The following SYNPO2 variants were observed in gnomAD, a reference collection of about 807,000 sequenced individuals.
The protein encoded by SYNPO2 is synaptopodin-2.
A neutral mutation model predicts 85.0 loss-of-function variants in SYNPO2; 56 were observed. The observed-to-expected ratio is 0.66, with a 90% CI of 0.53 to 0.82. The LOEUF is 0.82. Ranked by LOEUF, SYNPO2 falls within the 40% of genes least tolerant of loss-of-function variation. SYNPO2 has a pLI of 0.00. For synonymous variants in SYNPO2, 602 were observed against 591.1 expected (o/e 1.02, Z -0.27); for missense variants, 1,575 against 1,534.2 (o/e 1.03, Z -0.44).
At chr4:118,870,747 G>A (rs1731785534) in intron 1 of SYNPO2, among the ~76,000 whole-genome samples, 1 of 152,160 alleles carries the variant, frequency 6.6e-6, no homozygotes, top group African/African-American at 2.4e-5. Context: ...TAGGGGGTAT[G>A]GGGGAGGGAG....
At chr4:118,934,402 T>C (rs1734031925) in intron 1 of SYNPO2, among the ~76,000 whole-genome samples, 1 of 152,186 alleles carries the variant, frequency 6.6e-6, no homozygotes, top group Non-Finnish European at 1.5e-5. Context: ...GACTACCAGT[T>C]ACTGTAGAGA....
At position 118,889,026 on chromosome 4, in the gene SYNPO2, A is replaced by G. The variant is rs1732277596; in HGVS notation, c.-11A>G. On this transcript the variant is annotated 5_prime_UTR_variant, in exon 1 of 5. The change abolishes the stop of an existing upstream ORF in the 5' untranslated region. Transcript: ENST00000307142. ...GTCAAGCTCTTCATGCTGCCCAACTAAAAGGAAAACATGGGCACAGGGGAT... is the reference window on the plus strand; with the variant it reads ...GTCAAGCTCTTCATGCTGCCCAACTGAAAGGAAAACATGGGCACAGGGGAT... 6.2e-7 allele frequency: 1 copy of G among 1,613,702 alleles called. No homozygotes were observed. Among genetic ancestry groups the G allele is most frequent in the Non-Finnish European group, 8.5e-7 (1 of 1,179,722 alleles).
At chr4:118,960,767 A>C (rs1042720185) in intron 1 of SYNPO2, among the ~76,000 whole-genome samples, 1 of 152,006 alleles carries the variant, frequency 6.6e-6, no homozygotes, top group Non-Finnish European at 1.5e-5. Context: ...AGGCTTGGGG[A>C]TTAGACCCAA....
intron 1 of SYNPO2, among the ~76,000 whole-genome samples, chr4:118,958,852 C>T (rs1165202239): frequency 6.6e-6 from 1 of 152,126 alleles, no homozygotes; most frequent in Non-Finnish European, 1.5e-5. Flanking sequence ...GCCCTTCTAG[C>T]CTCTAAGGAA....
chr4:118,914,452 T>A (rs2149125472), intron 1 of SYNPO2, among the ~76,000 whole-genome samples: 1 of 152,104 alleles, frequency 6.6e-6, no homozygotes, highest in East Asian at 1.9e-4. Context: ...TTAAAATAAG[T>A]CATTAGAAAG....
At chr4:119,001,471 T>C (rs576156106) in intron 1 of SYNPO2, among the ~76,000 whole-genome samples, 157 of 152,316 alleles carry the variant, frequency 1.0e-3, no homozygotes, top group African/African-American at 3.7e-3. Flanking sequence ...CCATAGCACA[T>C]AGATTATTTA....
intron 1 of SYNPO2, among the ~76,000 whole-genome samples, chr4:118,871,754 A>G (rs1731806072): frequency 6.6e-6 from 1 of 152,070 alleles, no homozygotes; most frequent in African/African-American, 2.4e-5. Context: ...TATTTTTAGT[A>G]GAGGCGGGGT....
At chr4:118,938,154 A>T (rs1277662937) in intron 1 of SYNPO2, among the ~76,000 whole-genome samples, 1 of 152,088 alleles carries the variant, frequency 6.6e-6, no homozygotes, top group African/African-American at 2.4e-5. Flanking sequence ...AATACAAAAA[A>T]TTAGCCAGGC....
chr4:119,036,329 A>G (rs1181119916), intron 4 of SYNPO2: 2 of 985,234 alleles, frequency 2.0e-6, no homozygotes, highest in African/African-American at 1.7e-5. Flanking sequence ...GAAAAAATAT[A>G]TAAATTCTAA....
chr4:118,877,336 T>C (rs1249523504), intron 1 of SYNPO2, among the ~76,000 whole-genome samples: 3 of 151,974 alleles, frequency 2.0e-5, no homozygotes, highest in Non-Finnish European at 4.4e-5. Flanking sequence ...AAAGCAATTT[T>C]TACAAAAACA....
intron 1 of SYNPO2, among the ~76,000 whole-genome samples, chr4:119,006,719 A>G (rs1041682458): frequency 1.1e-4 from 17 of 152,130 alleles, no homozygotes; most frequent in African/African-American, 4.1e-4. Flanking sequence ...TCTTTATAAC[A>G]CTTGTAAAAT....
At chr4:118,889,870 C>A (rs1732305098) in intron 1 of SYNPO2, among the ~76,000 whole-genome samples, 1 of 152,140 alleles carries the variant, frequency 6.6e-6, no homozygotes, top group African/African-American at 2.4e-5. Context: ...AGATTGCCTG[C>A]ATTACTGGTT....
chr4:119,013,104 CT>C (rs1323977424), intron 1 of SYNPO2, among the ~76,000 whole-genome samples: 2 of 152,068 alleles, frequency 1.3e-5, no homozygotes, highest in Non-Finnish European at 2.9e-5. Context: ...GTTACTTGTC[CT>C]TTTCACCATG....
chr4:118,882,763 G>A (rs1361400901), intron 1 of SYNPO2, among the ~76,000 whole-genome samples: 3 of 148,220 alleles, frequency 2.0e-5, no homozygotes, highest in Non-Finnish European at 4.5e-5. Context: ...AATGCTGTAA[G>A]ATGCCTGCTA....
intron 1 of SYNPO2, among the ~76,000 whole-genome samples, chr4:119,022,564 C>G (rs1290535588): frequency 7.2e-6 from 1 of 139,298 alleles, no homozygotes; most frequent in Non-Finnish European, 1.5e-5. Flanking sequence ...CCATATTGAC[C>G]GGGCTGGTCT....
intron 4 of SYNPO2, among the ~76,000 whole-genome samples, chr4:119,054,096 T>C (rs1329669324): frequency 6.6e-6 from 1 of 152,238 alleles, no homozygotes; most frequent in Admixed American, 6.5e-5. Context: ...CTCACTGTGC[T>C]CAACCCCTTG....
At chr4:118,980,534 G>A (rs1231461462) in intron 1 of SYNPO2, among the ~76,000 whole-genome samples, 1 of 152,002 alleles carries the variant, frequency 6.6e-6, no homozygotes, top group South Asian at 2.1e-4. Context: ...ACCCACACAT[G>A]CCATCATTCC....
At chr4:119,010,797 A>T (rs1737269008) in intron 1 of SYNPO2, among the ~76,000 whole-genome samples, 1 of 152,250 alleles carries the variant, frequency 6.6e-6, no homozygotes, top group Non-Finnish European at 1.5e-5. Flanking sequence ...AAAGACAATC[A>T]GTTAATATAT....
rs79366745 is a variant in SYNPO2 at position 118,862,339 on chromosome 4, C to G, written c.12+11399C>G. On this transcript the variant is annotated intron_variant, in intron 1 of 4. Coordinates refer to the SYNPO2 transcript ENST00000610556. Reference sequence around the variant, plus strand: ...TCTTTATTTCTCTTGTCTGATTGCTCTAGCTAGGACTTCCAGTACTATGTT... The same window carrying G: ...TCTTTATTTCTCTTGTCTGATTGCTGTAGCTAGGACTTCCAGTACTATGTT... Among the ~76,000 whole-genome samples the G allele has an allele frequency of 6.7e-3, 1,022 of 152,176 alleles. 10 individuals carry two copies. Among genetic ancestry groups the G allele is most frequent in the African/African-American group, 0.023 (971 of 41,528 alleles).
Sources: gnomAD v4.1 joint callset for allele counts (sites outside exome capture counted in the v4.1 genomes callset) on GRCh38, gnomAD v4.1.1 for gene constraint, MANE v1.5 for transcripts, NCBI Gene and HGNC (gene_info 2026-07-23, HGNC 2026-07-21) for gene names.